Variants in NPAS3 observed in about 807,000 individuals in gnomAD.
NPAS3 encodes the protein neuronal PAS domain protein 3, also known as neuronal PAS domain-containing protein 3.
Under a neutral mutation model 73.1 loss-of-function variants are expected in NPAS3, and 14 were observed. That is an observed-to-expected ratio of 0.19 (90% CI 0.13 to 0.30). The LOEUF (loss-of-function observed/expected upper bound fraction) is 0.30, where lower values mean the gene tolerates loss of function less well. NPAS3 is among the 10% of genes least tolerant of loss of function. The pLI is 1.00. For missense variants in NPAS3, 1,096 were observed against 1,250.0 expected (o/e 0.88, Z 1.86); for synonymous variants, 620 against 541.5 (o/e 1.14, Z -2.01).
chr14:33,197,932 C>G (rs957474550), intron 2 of NPAS3, among the ~76,000 whole-genome samples: 1 of 152,182 alleles, frequency 6.6e-6, no homozygotes. Context: ...AGACTTTGTT[C>G]CTTCTGATGT....
chr14:33,793,859 T>A, intron 9 of NPAS3, 38 bp from the exon 10 acceptor site: 1 of 1,588,574 alleles, frequency 6.3e-7, no homozygotes, highest in Non-Finnish European at 8.6e-7. Flanking sequence ...TTGATCCCAG[T>A]CTTAATACAA....
At chr14:33,082,962 C>G (rs2041905791) in intron 2 of NPAS3, among the ~76,000 whole-genome samples, 1 of 152,062 alleles carries the variant, frequency 6.6e-6, no homozygotes, top group African/African-American at 2.4e-5. Context: ...CAGATCATCA[C>G]TTGAGTTCAG....
At chr14:33,480,708 C>G (rs917832248) in intron 4 of NPAS3, among the ~76,000 whole-genome samples, 6 of 151,824 alleles carry the variant, frequency 4.0e-5, no homozygotes, top group African/African-American at 1.5e-4. Flanking sequence ...CTGTTTTTGG[C>G]AGGCATTTAA....
chr14:33,624,590 A>G (rs1247088155), intron 5 of NPAS3, among the ~76,000 whole-genome samples: 1 of 149,242 alleles, frequency 6.7e-6, no homozygotes, highest in Non-Finnish European at 1.5e-5. Context: ...TTTTCATTCT[A>G]TTAATTAAAG....
chr14:33,626,897 A>G (rs1380649775), intron 5 of NPAS3, among the ~76,000 whole-genome samples: 2 of 152,224 alleles, frequency 1.3e-5, no homozygotes, highest in African/African-American at 4.8e-5. Flanking sequence ...AGCTTGCAGT[A>G]TTAAATATTA....
chr14:33,386,867 C>T (rs1230685163), intron 4 of NPAS3, among the ~76,000 whole-genome samples: 1 of 152,076 alleles, frequency 6.6e-6, no homozygotes, highest in Non-Finnish European at 1.5e-5. Flanking sequence ...TCCAATTTCT[C>T]TTTTGCAACT....
At chr14:33,743,163 A>G (rs1055449537) in intron 7 of NPAS3, among the ~76,000 whole-genome samples, 1 of 152,178 alleles carries the variant, frequency 6.6e-6, no homozygotes, top group Admixed American at 6.5e-5. Flanking sequence ...GAGGGTTTTC[A>G]ATTTTCTTTG....
chr14:33,778,503 G>C, exon 9 of NPAS3: 1 of 1,613,724 alleles, frequency 6.2e-7, no homozygotes, highest in Non-Finnish European at 8.5e-7. Flanking sequence ...TGTAGATATC[G>C]TAGGGAAGAG....
intron 5 of NPAS3, among the ~76,000 whole-genome samples, chr14:33,571,344 A>C (rs2139820108): frequency 6.6e-6 from 1 of 152,244 alleles, no homozygotes; most frequent in Non-Finnish European, 1.5e-5. Context: ...CCAACGCTGG[A>C]CATTTTTTCG....
At chr14:33,571,110 A>G (rs1387783997) in intron 5 of NPAS3, among the ~76,000 whole-genome samples, 1 of 152,152 alleles carries the variant, frequency 6.6e-6, no homozygotes, top group Non-Finnish European at 1.5e-5. Flanking sequence ...TCCTATTGTC[A>G]GTTTCTGGCT....
At chr14:33,001,494 A>G (rs552380240) in intron 1 of NPAS3, among the ~76,000 whole-genome samples, 8 of 151,874 alleles carry the variant, frequency 5.3e-5, no homozygotes, top group Admixed American at 1.3e-4. Context: ...TGAGTCTCCA[A>G]TTTTCCTATG....
chr14:33,216,092 G>A (rs1314744968), intron 3 of NPAS3, among the ~76,000 whole-genome samples: 1 of 151,918 alleles, frequency 6.6e-6, no homozygotes, highest in African/African-American at 2.4e-5. Flanking sequence ...GGCATTTTTG[G>A]CATTTAAATA....
chr14:33,660,884 T>C (rs1435524564), intron 5 of NPAS3, among the ~76,000 whole-genome samples: 3 of 152,298 alleles, frequency 2.0e-5, no homozygotes, highest in African/African-American at 7.2e-5. Flanking sequence ...GAGTCCTTAA[T>C]TATACACCTA....
chr14:33,024,725 C>T (rs2039740227), intron 1 of NPAS3, among the ~76,000 whole-genome samples: 1 of 151,998 alleles, frequency 6.6e-6, no homozygotes, highest in South Asian at 2.1e-4. Context: ...AGAAATACAC[C>T]AATGAAAATG....
chr14:33,311,211 A>G (rs923265415), intron 3 of NPAS3, among the ~76,000 whole-genome samples: 4 of 152,080 alleles, frequency 2.6e-5, no homozygotes, highest in African/African-American at 9.7e-5. Context: ...CCTTTGGCAA[A>G]GTGCTCTCAG....
intron 7 of NPAS3, among the ~76,000 whole-genome samples, chr14:33,768,025 C>T (rs1412421911): frequency 1.3e-5 from 2 of 152,176 alleles, no homozygotes; most frequent in Admixed American, 1.3e-4. Flanking sequence ...CATCTAACAG[C>T]ATCACACACA....
intron 4 of NPAS3, among the ~76,000 whole-genome samples, chr14:33,472,043 G>A (rs1215846990): frequency 6.6e-6 from 1 of 152,190 alleles, no homozygotes; most frequent in East Asian, 1.9e-4. Context: ...TGCCCTCATG[G>A]AGCTTGTATT....
At chr14:33,329,610 G>C (rs2043884090) in intron 3 of NPAS3, among the ~76,000 whole-genome samples, 1 of 152,110 alleles carries the variant, frequency 6.6e-6, no homozygotes, top group Non-Finnish European at 1.5e-5. Flanking sequence ...GAAGTGAGAG[G>C]ATAGTCTCAG....
chr14:33,084,425 T>C (rs1017024117), intron 2 of NPAS3, among the ~76,000 whole-genome samples: 5 of 152,216 alleles, frequency 3.3e-5, no homozygotes, highest in African/African-American at 1.2e-4. Flanking sequence ...GCACCATTTT[T>C]TCCTAACAGG....
Sources: allele counts gnomAD v4.1 joint callset (sites outside exome capture counted in the v4.1 genomes callset), GRCh38; gene constraint gnomAD v4.1.1; transcripts MANE v1.5; gene names NCBI Gene and HGNC (gene_info 2026-07-23, HGNC 2026-07-21).